PTPRK: variants seen among roughly 807,000 people sequenced by gnomAD.
The protein encoded by PTPRK is protein tyrosine phosphatase receptor type K.
In PTPRK, 75 loss-of-function variants were observed where a neutral mutation model predicts 178.0. The observed-to-expected ratio is 0.42, with a 90% CI of 0.35 to 0.51. PTPRK has a LOEUF of 0.51. PTPRK is among the 20% of genes least tolerant of loss of function. PTPRK has a pLI of 0.02. For synonymous variants in PTPRK, 637 were observed against 620.6 expected, an observed-to-expected ratio of 1.03 and a Z score of -0.39; for missense variants, 1,441 against 1,797.8, an observed-to-expected ratio of 0.80 and a Z score of 3.59.
At chr6:128,076,536 CA>C (rs1206853981) in intron 11 of PTPRK, among the ~76,000 whole-genome samples, 2 of 151,576 alleles carry the variant, frequency 1.3e-5, no homozygotes, top group African/African-American at 2.4e-5. Context: ...ACATTCACTT[CA>C]AAAAAAATCT....
intron 1 of PTPRK, among the ~76,000 whole-genome samples, chr6:128,424,628 G>A (rs1434624961): frequency 1.3e-5 from 2 of 152,120 alleles, no homozygotes; most frequent in African/African-American, 4.8e-5. Flanking sequence ...TCGGCCCAAA[G>A]GCTGGAGGAT....
intron 1 of PTPRK, among the ~76,000 whole-genome samples, chr6:128,448,134 G>A (rs957314828): frequency 3.3e-5 from 5 of 152,018 alleles, no homozygotes; most frequent in Admixed American, 2.6e-4. Context: ...GCACGTACAC[G>A]CTATACTGAC....
chr6:128,271,652 CA>C (rs1819840592), intron 3 of PTPRK, among the ~76,000 whole-genome samples: 1 of 152,184 alleles, frequency 6.6e-6, no homozygotes, highest in South Asian at 2.1e-4. Flanking sequence ...AAGTTTAAAG[CA>C]TTCACAAAAC....
intron 7 of PTPRK, among the ~76,000 whole-genome samples, chr6:128,135,647 T>C (rs1794910292): frequency 2.0e-5 from 3 of 152,238 alleles, no homozygotes; most frequent in Middle Eastern, 6.8e-3. Flanking sequence ...AACAAGGCCT[T>C]CTTAGCTAAA....
chr6:128,140,407 C>T (rs966339533), intron 7 of PTPRK, among the ~76,000 whole-genome samples: 2 of 151,910 alleles, frequency 1.3e-5, no homozygotes, highest in Non-Finnish European at 2.9e-5. Flanking sequence ...TTTTAGTAGT[C>T]AAATATCTCA....
intron 2 of PTPRK, among the ~76,000 whole-genome samples, chr6:128,356,556 A>G (rs1440920587): frequency 6.6e-6 from 1 of 151,962 alleles, no homozygotes; most frequent in African/African-American, 2.4e-5. Context: ...CGAAACAACT[A>G]TTGTTCTTTT....
At chr6:128,455,771 A>G (rs1456580787) in intron 1 of PTPRK, among the ~76,000 whole-genome samples, 1 of 152,122 alleles carries the variant, frequency 6.6e-6, no homozygotes, top group African/African-American at 2.4e-5. Flanking sequence ...GAAGAACACA[A>G]TTTCTGGTGG....
At chr6:128,286,196 G>A (rs1034671576) in intron 3 of PTPRK, among the ~76,000 whole-genome samples, 1 of 152,094 alleles carries the variant, frequency 6.6e-6, no homozygotes, top group Non-Finnish European at 1.5e-5. Context: ...TCTACTAGGT[G>A]ACGTCATGGT....
At chr6:128,196,193 A>T (rs1427069352) in intron 6 of PTPRK, among the ~76,000 whole-genome samples, 1 of 151,980 alleles carries the variant, frequency 6.6e-6, no homozygotes, top group Admixed American at 6.6e-5. Flanking sequence ...AAGAGAATGC[A>T]TTAAAGCAGA....
Position 128,218,998 on chromosome 6 carries a change from G to A in PTPRK, c.792C>T (p.Asp264=). The A allele has an allele frequency of 6.2e-7, 1 of 1,614,022 alleles. No individual in the cohort carries two copies. Among genetic ancestry groups the A allele is most frequent in the Non-Finnish European group, 8.5e-7 (1 of 1,179,932 alleles). Residue 264 remains aspartate (D), a synonymous_variant, in exon 6 of 30, where the codon GAC becomes GAT. Transcript: ENST00000368226. ...GAGTTACACAGCGATACAAATCCTG[G>A]TCAGTTTTTGTCACTTCTTGCAATC... ...SFRLQEVTKT[D]QDLYRCVTQS...
At chr6:128,396,937 G>A (rs1337658588) in intron 2 of PTPRK, among the ~76,000 whole-genome samples, 3 of 152,148 alleles carry the variant, frequency 2.0e-5, no homozygotes, top group South Asian at 2.1e-4. Flanking sequence ...GGCAGAGATC[G>A]CAGTGAGCAG....
intron 11 of PTPRK, among the ~76,000 whole-genome samples, chr6:128,075,364 T>C (rs1783603014): frequency 1.3e-5 from 1 of 76,962 alleles, no homozygotes; most frequent in Non-Finnish European, 3.2e-5. Flanking sequence ...AAACAACCTC[T>C]CCCTTTGCTC....
At chr6:127,976,817 G>C in intron 26 of PTPRK, 35 bp from the exon 27 acceptor site, 1 of 1,608,026 alleles carries the variant, frequency 6.2e-7, no homozygotes, top group Non-Finnish European at 8.5e-7. Context: ...AAAAAAAAAA[G>C]AGTATTATTT....
chr6:128,034,564 T>C (rs914086659), intron 13 of PTPRK, among the ~76,000 whole-genome samples: 1 of 152,072 alleles, frequency 6.6e-6, no homozygotes, highest in Non-Finnish European at 1.5e-5. Context: ...GGGAAAAAAA[T>C]CAAAAGCAAC....
intron 7 of PTPRK, among the ~76,000 whole-genome samples, chr6:128,097,532 C>T (rs903676249): frequency 1.3e-5 from 2 of 152,100 alleles, no homozygotes; most frequent in Non-Finnish European, 2.9e-5. Flanking sequence ...ATAGATAAAG[C>T]CCACTAAATG....
At chr6:128,407,058 T>C (rs1841737318) in intron 1 of PTPRK, among the ~76,000 whole-genome samples, 1 of 152,226 alleles carries the variant, frequency 6.6e-6, no homozygotes, top group Non-Finnish European at 1.5e-5. Context: ...CAATTTCTGC[T>C]TCCAACTACT....
chr6:128,477,835 C>T (rs1026842797), intron 1 of PTPRK, among the ~76,000 whole-genome samples: 2 of 151,860 alleles, frequency 1.3e-5, no homozygotes, highest in Non-Finnish European at 2.9e-5. Context: ...AATTAAAATC[C>T]GTCTTTTTTC....
At chr6:127,987,139 G>C (rs1328131156) in intron 21 of PTPRK, among the ~76,000 whole-genome samples, 1 of 151,332 alleles carries the variant, frequency 6.6e-6, no homozygotes, top group African/African-American at 2.4e-5. Context: ...TCTATTACAT[G>C]TATAGGGTTT....
chr6:128,384,810 G>T (rs976854337), intron 2 of PTPRK, among the ~76,000 whole-genome samples: 11 of 151,614 alleles, frequency 7.3e-5, no homozygotes, highest in Non-Finnish European at 1.2e-4. Flanking sequence ...TGCCAGACTG[G>T]AATTAGGTTT....
Sources: gnomAD v4.1 joint callset for allele counts (sites outside exome capture counted in the v4.1 genomes callset) on GRCh38, gnomAD v4.1.1 for gene constraint, MANE v1.5 for transcripts, NCBI Gene and HGNC (gene_info 2026-07-23, HGNC 2026-07-21) for gene names.